Variants in STK24 observed in about 807,000 individuals in gnomAD.
The protein encoded by STK24 is serine/threonine-protein kinase 24.
STK24 carries 21 observed loss-of-function variants against 55.6 expected under a neutral mutation model. The observed-to-expected ratio is 0.38, with a 90% CI of 0.27 to 0.54. The LOEUF (loss-of-function observed/expected upper bound fraction) is 0.54, where lower values mean the gene tolerates loss of function less well. Ranked by LOEUF, STK24 falls within the 20% of genes least tolerant of loss-of-function variation. The pLI, the probability that STK24 is intolerant of heterozygous loss-of-function variation, is 0.79. For synonymous variants in STK24, 200 were observed against 215.2 expected (o/e 0.93, Z 0.62); for missense variants, 383 against 538.4 (o/e 0.71, Z 2.86).
At chr13:98,462,857 T>A (rs1440943329) in intron 7 of STK24, among the ~76,000 whole-genome samples, 1 of 152,112 alleles carries the variant, frequency 6.6e-6, no homozygotes, top group Non-Finnish European at 1.5e-5. Flanking sequence ...GCTTCCCTCC[T>A]TCACCCAAAT....
At chr13:98,524,827 T>G (rs1270238045) in intron 1 of STK24, among the ~76,000 whole-genome samples, 1 of 152,170 alleles carries the variant, frequency 6.6e-6, no homozygotes, top group East Asian at 1.9e-4. Context: ...AAACAGCAAT[T>G]TTCACTCTTT....
chr13:98,516,188 A>G (rs1377786458), intron 2 of STK24, among the ~76,000 whole-genome samples: 2 of 152,236 alleles, frequency 1.3e-5, no homozygotes, highest in Non-Finnish European at 2.9e-5. Context: ...ATAGTTAATT[A>G]TTGTTTTAGA....
At chr13:98,478,381 T>C (rs1190037887) in intron 3 of STK24, among the ~76,000 whole-genome samples, 3 of 152,260 alleles carry the variant, frequency 2.0e-5, no homozygotes, top group Admixed American at 6.5e-5. Context: ...CAGCAGCCTG[T>C]GGTCAGGTGA....
At chr13:98,474,690 A>G in intron 5 of STK24, 131 bp downstream of exon 5, 1 of 1,183,128 alleles carries the variant, frequency 8.5e-7, no homozygotes, top group Non-Finnish European at 1.2e-6. Flanking sequence ...CCAAGGTTGA[A>G]GAATTACCTT....
At chr13:98,574,070 G>A (rs1377786092) in intron 1 of STK24, among the ~76,000 whole-genome samples, 2 of 151,748 alleles carry the variant, frequency 1.3e-5, no homozygotes, top group Non-Finnish European at 2.9e-5. Flanking sequence ...GGGGTGCAAC[G>A]GCACAATCTC....
At chr13:98,517,400 TG>T (rs1299514728) in intron 2 of STK24, among the ~76,000 whole-genome samples, 1 of 152,072 alleles carries the variant, frequency 6.6e-6, no homozygotes, top group Admixed American at 6.5e-5. Context: ...CTGAGGCAGG[TG>T]GATCACCTGA....
intron 1 of STK24, among the ~76,000 whole-genome samples, chr13:98,527,057 T>C (rs1003960353): frequency 6.6e-6 from 1 of 152,230 alleles, no homozygotes; most frequent in Non-Finnish European, 1.5e-5. Context: ...GAAATTTGTT[T>C]TGTAATTCTC....
At chr13:98,471,415 A>T (rs1566352634) in intron 5 of STK24, among the ~76,000 whole-genome samples, 1 of 152,254 alleles carries the variant, frequency 6.6e-6, no homozygotes, top group Non-Finnish European at 1.5e-5. Context: ...TCTTCAGCCC[A>T]AGACCTTTCT....
At chr13:98,473,101 C>T (rs1894213998) in intron 5 of STK24, among the ~76,000 whole-genome samples, 1 of 150,984 alleles carries the variant, frequency 6.6e-6, no homozygotes, top group South Asian at 2.1e-4. Context: ...TGTCAGTCTC[C>T]CCCATATGAA....
chr13:98,467,425 C>T (rs1175221363), intron 5 of STK24, among the ~76,000 whole-genome samples: 2 of 152,084 alleles, frequency 1.3e-5, no homozygotes, highest in African/African-American at 4.8e-5. Flanking sequence ...ACTGTCATTC[C>T]ATGGTTGGTT....
chr13:98,528,801 C>T (rs72645190), intron 1 of STK24, among the ~76,000 whole-genome samples: 1,939 of 152,276 alleles, frequency 0.013, 15 homozygotes, highest in South Asian at 0.026. Context: ...CTTCTCTACG[C>T]TTTTCCATGA....
At chr13:98,461,745 C>T (rs185799292) in intron 8 of STK24, 29 bp downstream of exon 8, 2 of 1,609,406 alleles carry the variant, frequency 1.2e-6, no homozygotes, top group East Asian at 2.2e-5. Context: ...CTGAGGTCAG[C>T]GTGGCCATTC....
At chr13:98,566,174 T>A (rs1176836864) in intron 1 of STK24, among the ~76,000 whole-genome samples, 2 of 152,146 alleles carry the variant, frequency 1.3e-5, no homozygotes, top group African/African-American at 4.8e-5. Context: ...CTGCCCTCAA[T>A]GAAATGGAGA....
In STK24 at chr13:98,472,482, T is replaced by A. The variant is rs188707322; in HGVS notation, c.597+2339A>T. Among the ~76,000 whole-genome samples, 11 of 152,312 alleles carry A rather than the reference T, an allele frequency of 7.2e-5. No homozygotes were observed. The East Asian group carries it at 2.1e-3, about 29-fold the overall frequency. ...AGCGGAAGATCTTCACATGGCCCTG[T>A]CTCCTTTTTTCCACGGCACTTTGCA... On this transcript the variant is annotated intron_variant, in intron 5 of 10. Transcript: ENST00000539966.
chr13:98,507,265 G>A (rs1423684720), intron 2 of STK24, among the ~76,000 whole-genome samples: 8 of 152,250 alleles, frequency 5.3e-5, no homozygotes, highest in Non-Finnish European at 1.2e-4. Flanking sequence ...ACCGTCAGGT[G>A]CAGGGAAGCT....
chr13:98,500,316 G>A (rs981385421), intron 2 of STK24, among the ~76,000 whole-genome samples: 7 of 152,166 alleles, frequency 4.6e-5, no homozygotes, highest in East Asian at 1.9e-4. Context: ...TCTTCACCAC[G>A]TTTCCTAAGG....
At chr13:98,557,441 C>CGG (rs956066033) in intron 1 of STK24, among the ~76,000 whole-genome samples, 4 of 152,210 alleles carry the variant, frequency 2.6e-5, no homozygotes, top group African/African-American at 9.6e-5. Flanking sequence ...TCCCTCCCTC[C>CGG]ATCACCATCA....
chr13:98,558,049 T>A (rs991972881), intron 1 of STK24, among the ~76,000 whole-genome samples: 1 of 152,178 alleles, frequency 6.6e-6, no homozygotes, highest in Non-Finnish European at 1.5e-5. Flanking sequence ...TATACTTCCA[T>A]AAATGCATTT....
intron 5 of STK24, among the ~76,000 whole-genome samples, chr13:98,466,910 T>C (rs939548618): frequency 3.3e-5 from 5 of 152,018 alleles, no homozygotes; most frequent in African/African-American, 1.2e-4. Flanking sequence ...CGCTCGCGAG[T>C]CACCCCCTCC....
Sources: gnomAD v4.1 joint callset for allele counts (sites outside exome capture counted in the v4.1 genomes callset) on GRCh38, gnomAD v4.1.1 for gene constraint, MANE v1.5 for transcripts, NCBI Gene and HGNC (gene_info 2026-07-23, HGNC 2026-07-21) for gene names.